Variants in LACTBL1 observed in about 807,000 individuals in gnomAD.
The protein encoded by LACTBL1 is lactamase beta like 1.
A neutral mutation model predicts 39.6 loss-of-function variants in LACTBL1; 29 were observed. The ratio of observed to expected loss-of-function variants is 0.73; its 90% CI spans 0.55 to 1.00. LACTBL1 has a LOEUF of 1.00. Ranked by LOEUF, LACTBL1 falls within the 50% of genes least tolerant of loss-of-function variation. The pLI, the probability that LACTBL1 is intolerant of heterozygous loss-of-function variation, is 0.00. For missense variants in LACTBL1, 711 were observed against 748.5 expected (o/e 0.95, Z 0.59); for synonymous variants, 361 against 360.7 (o/e 1.00, Z -0.01).
intron 1 of LACTBL1, among the ~76,000 whole-genome samples, chr1:22,963,606 A>T (rs1000607498): frequency 1.3e-5 from 2 of 152,076 alleles, no homozygotes; most frequent in Non-Finnish European, 2.9e-5. Context: ...CCCACTTAGG[A>T]CCCAGGCCTA....
intron 3 of LACTBL1, among the ~76,000 whole-genome samples, chr1:22,959,592 C>T (rs1211686165): frequency 6.6e-6 from 1 of 152,250 alleles, no homozygotes; most frequent in Non-Finnish European, 1.5e-5. Context: ...TTGACAGGGA[C>T]CTGGGGCAAG....
intron 5 of LACTBL1, among the ~76,000 whole-genome samples, chr1:22,954,450 C>G (rs1640742318): frequency 6.6e-6 from 1 of 152,168 alleles, no homozygotes; most frequent in African/African-American, 2.4e-5. Flanking sequence ...GTAGCAGACA[C>G]CAGTAACCAG....
At chr1:22,970,624 A>G in the LACTBL1 span, among the ~76,000 whole-genome samples, 1 of 152,146 alleles carries the variant, frequency 6.6e-6, no homozygotes, top group Non-Finnish European at 1.5e-5. Flanking sequence ...GCTGGGCAAC[A>G]TAGCAAGACT....
chr1:22,962,439 G>A (rs1214235808), intron 2 of LACTBL1, among the ~76,000 whole-genome samples: 2 of 152,170 alleles, frequency 1.3e-5, no homozygotes, highest in Non-Finnish European at 1.5e-5. Flanking sequence ...TGACCCAAGT[G>A]GCTGGGCTCT....
At chr1:22,968,086 G>T (rs1640901692), upstream of LACTBL1, among the ~76,000 whole-genome samples, 1 of 152,104 alleles carries the variant, frequency 6.6e-6, no homozygotes, top group Admixed American at 6.5e-5. Context: ...TCCATAAACA[G>T]CATGTAGTAT....
upstream of LACTBL1, among the ~76,000 whole-genome samples, chr1:22,970,151 G>A (rs1640923283): frequency 6.6e-6 from 1 of 152,152 alleles, no homozygotes; most frequent in Admixed American, 6.6e-5. Flanking sequence ...AGAATCTAGG[G>A]TTCTCACTGA....
At chr1:22,957,842 G>A (rs1365785182) in intron 4 of LACTBL1, among the ~76,000 whole-genome samples, 1 of 151,798 alleles carries the variant, frequency 6.6e-6, no homozygotes, top group African/African-American at 2.4e-5. Context: ...AGTAGAGACA[G>A]CGTTTCACCA....
chr1:22,957,640 CTTTTTTTTTTT>C (rs34603019), intron 4 of LACTBL1, among the ~76,000 whole-genome samples: 1 of 56,642 alleles, frequency 1.8e-5, no homozygotes, highest in African/African-American at 7.6e-5. Context: ...TCTTAATATT[CTTTTTTTTTTT>C]TTTTTTTTTT....
intron 3 of LACTBL1, 58 bp from the exon 6 acceptor site, chr1:22,958,978 C>T: frequency 2.6e-6 from 3 of 1,138,844 alleles, no homozygotes; most frequent in Non-Finnish European, 3.8e-6. Context: ...CCACAACCCA[C>T]CTCCTGCCCC....
At chr1:22,963,047 C>T in intron 2 of LACTBL1, 60 bp downstream of exon 4, 1 of 876,208 alleles carries the variant, frequency 1.1e-6, no homozygotes, top group Non-Finnish European at 1.6e-6. Context: ...AGGGACTGCC[C>T]TCCCCTTCAT....
intron 5 of LACTBL1, 113 bp downstream of exon 7, chr1:22,955,208 G>T: frequency 1.3e-6 from 1 of 782,492 alleles, no homozygotes. Context: ...TGGGGAGCAG[G>T]TCTCTCCCGG....
At chr1:22,956,502 G>A (rs954400659) in intron 4 of LACTBL1, among the ~76,000 whole-genome samples, 2 of 152,108 alleles carry the variant, frequency 1.3e-5, no homozygotes, top group East Asian at 1.9e-4. Flanking sequence ...TGACATGGTG[G>A]GCACTTGAGG....
intron 1 of LACTBL1, among the ~76,000 whole-genome samples, chr1:22,963,845 AAT>A (rs1640851289): frequency 6.6e-6 from 1 of 151,998 alleles, no homozygotes; most frequent in Non-Finnish European, 1.5e-5. Flanking sequence ...CAGGACTATT[AAT>A]ACATCCTCCT....
intron 4 of LACTBL1, among the ~76,000 whole-genome samples, chr1:22,956,682 A>G (rs116026553): frequency 0.027 from 4,183 of 152,164 alleles, 199 homozygotes; most frequent in African/African-American, 0.094. Context: ...CTTTCAGAGC[A>G]ATCCCTCCGC....
At chr1:22,953,077 C>T (rs1012078743) in exon 6 of LACTBL1, 22 of 1,232,308 alleles carry the variant, frequency 1.8e-5, no homozygotes, top group African/African-American at 1.1e-4. Flanking sequence ...GCCCCGCAGC[C>T]GCAGCACTCT....
At chr1:22,972,221 A>G in the LACTBL1 span, 3 of 807,314 alleles carry the variant, frequency 3.7e-6, no homozygotes, top group Non-Finnish European at 4.5e-6. Context: ...TTAGCCCAAT[A>G]TTTGAAGCCA....
At chr1:22,972,746 C>A in the LACTBL1 span, among the ~76,000 whole-genome samples, 1 of 152,150 alleles carries the variant, frequency 6.6e-6, no homozygotes, top group African/African-American at 2.4e-5. Context: ...TCTGGTCAGG[C>A]CCTCAGGCTC....
At chr1:22,959,405 G>T (rs1420588905) in intron 3 of LACTBL1, among the ~76,000 whole-genome samples, 3 of 152,250 alleles carry the variant, frequency 2.0e-5, no homozygotes, top group African/African-American at 7.2e-5. Flanking sequence ...CACAAAGCAG[G>T]TGCAATTTAA....
At chr1:22,956,930 C>T (rs1640767697) in intron 4 of LACTBL1, among the ~76,000 whole-genome samples, 1 of 152,004 alleles carries the variant, frequency 6.6e-6, no homozygotes, top group Admixed American at 6.6e-5. Flanking sequence ...CCCTAGCTAC[C>T]CATTTCCCCT....
Sources: allele counts gnomAD v4.1 joint callset (sites outside exome capture counted in the v4.1 genomes callset), GRCh38; gene constraint gnomAD v4.1.1; transcripts MANE v1.5; gene names NCBI Gene and HGNC (gene_info 2026-07-23, HGNC 2026-07-21).